Variants in LRRC4C observed in about 807,000 individuals in gnomAD.
LRRC4C encodes the protein leucine-rich repeat-containing protein 4C.
Under a neutral mutation model 33.6 loss-of-function variants are expected in LRRC4C, and 5 were observed. The ratio of observed to expected loss-of-function variants is 0.15; its 90% confidence interval spans 0.08 to 0.31. The LOEUF is 0.31. Ranked by LOEUF, LRRC4C falls within the 10% of genes least tolerant of loss-of-function variation. The pLI is 1.00. For synonymous variants in LRRC4C, 329 were observed against 302.0 expected (o/e 1.09, Z -0.93); for missense variants, 560 against 796.7 (o/e 0.70, Z 3.58).
intron 1 of LRRC4C, among the ~76,000 whole-genome samples, chr11:41,182,962 AAGAG>A (rs1021014510): frequency 4.6e-5 from 7 of 151,766 alleles, no homozygotes; most frequent in African/African-American, 1.5e-4. Flanking sequence ...TGGTGACAGG[AAGAG>A]AGAGAGAGAT....
chr11:40,510,296 T>C (rs1351246768), intron 3 of LRRC4C, among the ~76,000 whole-genome samples: 2 of 151,316 alleles, frequency 1.3e-5, no homozygotes, highest in African/African-American at 2.4e-5. Flanking sequence ...TGAGAAGCAT[T>C]GCTATTCCTT....
intron 1 of LRRC4C, among the ~76,000 whole-genome samples, chr11:41,301,790 C>T (rs1028674278): frequency 6.6e-6 from 1 of 152,120 alleles, no homozygotes. Context: ...TAGTTCTCCT[C>T]TGTCTTTGGT....
intron 1 of LRRC4C, among the ~76,000 whole-genome samples, chr11:41,318,323 T>A (rs1950855788): frequency 6.6e-6 from 1 of 152,208 alleles, no homozygotes; most frequent in African/African-American, 2.4e-5. Context: ...ATGTAAAAGT[T>A]ATCATTTTTA....
intron 2 of LRRC4C, among the ~76,000 whole-genome samples, chr11:40,841,764 G>C (rs1952924983): frequency 6.6e-6 from 1 of 152,160 alleles, no homozygotes; most frequent in Non-Finnish European, 1.5e-5. Flanking sequence ...ATTAAGTTCT[G>C]AGAAAACGCA....
chr11:41,175,494 A>T (rs1362070608), intron 1 of LRRC4C, among the ~76,000 whole-genome samples: 3 of 152,132 alleles, frequency 2.0e-5, no homozygotes, highest in Non-Finnish European at 2.9e-5. Context: ...CAGTGATCAG[A>T]TCACTGAATC....
intron 1 of LRRC4C, among the ~76,000 whole-genome samples, chr11:41,409,628 A>G (rs1294731557): frequency 1.3e-5 from 2 of 152,194 alleles, no homozygotes; most frequent in Non-Finnish European, 2.9e-5. Context: ...CATTTTAACC[A>G]CTGGGCTTTA....
chr11:40,883,629 T>C (rs1472591274), intron 2 of LRRC4C, among the ~76,000 whole-genome samples: 3 of 151,952 alleles, frequency 2.0e-5, no homozygotes, highest in Admixed American at 6.6e-5. Flanking sequence ...TATTGCATAA[T>C]TAAACATATA....
intron 2 of LRRC4C, among the ~76,000 whole-genome samples, chr11:40,651,535 AT>A (rs1942800569): frequency 6.6e-6 from 1 of 152,202 alleles, no homozygotes; most frequent in Admixed American, 6.5e-5. Context: ...TAAAGTATCC[AT>A]CTATTGGAGA....
intron 2 of LRRC4C, among the ~76,000 whole-genome samples, chr11:40,652,504 C>T (rs1942867638): frequency 6.6e-6 from 1 of 152,056 alleles, no homozygotes; most frequent in South Asian, 2.1e-4. Flanking sequence ...AAATGAGGCT[C>T]AGAGAAAGTA....
At chr11:40,242,047 G>A (rs1483108440) in intron 4 of LRRC4C, among the ~76,000 whole-genome samples, 1 of 152,144 alleles carries the variant, frequency 6.6e-6, no homozygotes, top group Non-Finnish European at 1.5e-5. Flanking sequence ...AGACAAGGAT[G>A]CATTTCCTCC....
rs76426952 is a variant in LRRC4C at position 40,889,812 on chromosome 11, G to T, written c.-407+43823C>A. Among the ~76,000 whole-genome samples, 1,073 of 152,056 alleles carry T rather than the reference G, an allele frequency of 7.1e-3. 15 individuals carry two copies. Among genetic ancestry groups the T allele is most frequent in the African/African-American group, 0.025 (1,032 of 41,498 alleles). ...AAGTTCTCTGAATCCCAGAAAACTC[G>T]CTTGGTTGCAAAATAGGCATAATAA... On this transcript the variant is annotated intron_variant, in intron 2 of 6. Transcript: ENST00000528697.
intron 1 of LRRC4C, among the ~76,000 whole-genome samples, chr11:41,139,011 G>A (rs560713047): frequency 6.8e-4 from 103 of 151,966 alleles, no homozygotes; most frequent in Non-Finnish European, 1.4e-3. Flanking sequence ...AGCTATTTGG[G>A]ACTAATTTGT....
intron 1 of LRRC4C, among the ~76,000 whole-genome samples, chr11:40,937,161 G>A (rs557086569): frequency 6.6e-6 from 1 of 152,270 alleles, no homozygotes; most frequent in East Asian, 1.9e-4. Context: ...CATGTCCTTT[G>A]CAGCAGCATG....
intron 3 of LRRC4C, among the ~76,000 whole-genome samples, chr11:40,594,394 G>A (rs1008380304): frequency 6.6e-6 from 1 of 152,202 alleles, no homozygotes; most frequent in Admixed American, 6.5e-5. Flanking sequence ...TTGCCCTAGG[G>A]CATGTCTAAT....
intron 2 of LRRC4C, among the ~76,000 whole-genome samples, chr11:40,819,297 A>G (rs1951827893): frequency 6.6e-6 from 1 of 152,150 alleles, no homozygotes; most frequent in African/African-American, 2.4e-5. Context: ...CAATCTGGAA[A>G]TAAACCAAAG....
intron 4 of LRRC4C, among the ~76,000 whole-genome samples, chr11:40,246,390 C>T (rs1466298533): frequency 6.6e-6 from 1 of 152,202 alleles, no homozygotes; most frequent in Non-Finnish European, 1.5e-5. Context: ...TTGGTTCACT[C>T]TGCAGACTTT....
chr11:41,133,048 T>C (rs1943087969), intron 1 of LRRC4C, among the ~76,000 whole-genome samples: 1 of 152,144 alleles, frequency 6.6e-6, no homozygotes, highest in Non-Finnish European at 1.5e-5. Flanking sequence ...TCCCTTTAGG[T>C]AGCGAGGGCC....
chr11:40,296,336 G>T (rs1398915971), intron 4 of LRRC4C, among the ~76,000 whole-genome samples: 5 of 152,068 alleles, frequency 3.3e-5, no homozygotes, highest in African/African-American at 7.2e-5. Context: ...ATATGGCATG[G>T]TTTTTTGTTA....
intron 1 of LRRC4C, among the ~76,000 whole-genome samples, chr11:41,072,671 C>A (rs1377168968): frequency 1.3e-5 from 2 of 152,078 alleles, no homozygotes; most frequent in East Asian, 3.9e-4. Context: ...TCAGGTAGTT[C>A]TTTATAGCAA....
Sources: allele counts gnomAD v4.1 joint callset (sites outside exome capture counted in the v4.1 genomes callset), GRCh38; gene constraint gnomAD v4.1.1; transcripts MANE v1.5; gene names NCBI Gene and HGNC (gene_info 2026-07-23, HGNC 2026-07-21).